Variants in GRIA2 observed in about 807,000 individuals in gnomAD.
GRIA2 encodes glutamate receptor 2.
Under a neutral mutation model 97.3 loss-of-function variants are expected in GRIA2, and 14 were observed. That is an observed-to-expected ratio of 0.14 (90% CI 0.10 to 0.23). GRIA2 has a LOEUF of 0.23. GRIA2 is among the 10% of genes least tolerant of loss of function. GRIA2 has a pLI of 1.00. For synonymous variants in GRIA2, 412 were observed against 387.8 expected (o/e 1.06, Z -0.73); for missense variants, 558 against 1,069.8 (o/e 0.52, Z 6.67).
intron 4 of GRIA2, among the ~76,000 whole-genome samples, chr4:157,313,284 A>G (rs1295168148): frequency 6.6e-6 from 1 of 152,134 alleles, no homozygotes; most frequent in Non-Finnish European, 1.5e-5. Context: ...TTGGAGTTAC[A>G]TAGACCATCT....
chr4:157,329,807 A>G (rs898755205), intron 6 of GRIA2, among the ~76,000 whole-genome samples: 1 of 151,912 alleles, frequency 6.6e-6, no homozygotes, highest in African/African-American at 2.4e-5. Flanking sequence ...TAACCATCCC[A>G]GTGTACCTGG....
intron 2 of GRIA2, among the ~76,000 whole-genome samples, chr4:157,243,941 G>GA (rs908332489): frequency 3.3e-5 from 5 of 150,736 alleles, no homozygotes; most frequent in South Asian, 4.2e-4. Context: ...AAAAAAAGCA[G>GA]AAAAAAAAAG....
intron 4 of GRIA2, among the ~76,000 whole-genome samples, chr4:157,314,715 T>A (rs961488238): frequency 6.6e-6 from 1 of 152,168 alleles, no homozygotes; most frequent in Non-Finnish European, 1.5e-5. Flanking sequence ...GGGAATATAT[T>A]GTAAGTGATG....
At chr4:157,305,069 C>A (rs532948268) in intron 3 of GRIA2, among the ~76,000 whole-genome samples, 1 of 152,254 alleles carries the variant, frequency 6.6e-6, no homozygotes, top group Admixed American at 6.5e-5. Flanking sequence ...ACAGTAAATA[C>A]AGATTTCAAT....
At chr4:157,321,105 C>T (rs955585440) in intron 5 of GRIA2, among the ~76,000 whole-genome samples, 6 of 152,052 alleles carry the variant, frequency 3.9e-5, no homozygotes, top group Non-Finnish European at 5.9e-5. Context: ...GGTGGTTCTC[C>T]GCTGTAGACC....
chr4:157,333,047 C>A (rs773563113), intron 7 of GRIA2, 61 bp downstream of exon 7: 6 of 1,295,260 alleles, frequency 4.6e-6, no homozygotes, highest in Non-Finnish European at 6.4e-6. Context: ...TTTCTTCCTG[C>A]TAAATTAGTC....
At chr4:157,303,823 G>T (rs1226572758) in intron 3 of GRIA2, 32 bp downstream of exon 3, 1 of 1,606,430 alleles carries the variant, frequency 6.2e-7, no homozygotes, top group Admixed American at 1.7e-5. Flanking sequence ...CTTTGTAATG[G>T]GGCGAATTCA....
intron 2 of GRIA2, among the ~76,000 whole-genome samples, chr4:157,269,080 A>C (rs1731900025): frequency 6.6e-6 from 1 of 152,134 alleles, no homozygotes; most frequent in East Asian, 1.9e-4. Flanking sequence ...AGCTTAGTGC[A>C]GATAGTGGTA....
chr4:157,262,266 G>C (rs773760617), intron 2 of GRIA2, among the ~76,000 whole-genome samples: 1 of 151,984 alleles, frequency 6.6e-6, no homozygotes, highest in Non-Finnish European at 1.5e-5. Context: ...TCATATGGAA[G>C]TTTGGTGAAC....
chr4:157,235,167 C>T (rs1260020623), intron 2 of GRIA2, among the ~76,000 whole-genome samples: 2 of 152,084 alleles, frequency 1.3e-5, no homozygotes, highest in Non-Finnish European at 2.9e-5. Context: ...TGGATAAAAG[C>T]TATATACTTA....
At chr4:157,314,010 A>T (rs948808486) in intron 4 of GRIA2, among the ~76,000 whole-genome samples, 1 of 152,152 alleles carries the variant, frequency 6.6e-6, no homozygotes, top group Admixed American at 6.6e-5. Context: ...AAAAGCCTTC[A>T]TCATCATCAT....
At chr4:157,352,732 A>AAAAC (rs1204047021) in intron 12 of GRIA2, among the ~76,000 whole-genome samples, 2 of 150,386 alleles carry the variant, frequency 1.3e-5, no homozygotes, top group African/African-American at 4.9e-5. Context: ...AAAAAAAAAA[A>AAAAC]AAAAAACACA....
At position 157,363,763 on chromosome 4, in the gene GRIA2, A is replaced by T. The variant is rs1042946699; in HGVS notation, c.*332A>T. 1.3e-5 allele frequency: 5 copies of T among 394,734 alleles called. No homozygotes were observed. The highest frequency in any genetic ancestry group is 2.2e-5 in the Non-Finnish European group (5 of 225,028). 24.5% of individuals were successfully genotyped at this position (394,734 alleles called of 1,614,324 possible). A position where few individuals can be genotyped will look rare whatever the true frequency, so the allele number is the denominator to read the frequency against. ...AAGGAATGATTAATTAAAACACAAC[A>T]TCTTTTTCTACTCGAGTTACAGACA... On this transcript the variant is annotated 3_prime_UTR_variant, in exon 16 of 16. Coordinates refer to ENST00000264426, the MANE Select transcript of GRIA2 (RefSeq NM_001083619.3).
At chr4:157,299,494 A>T (rs1733517266) in intron 2 of GRIA2, among the ~76,000 whole-genome samples, 1 of 152,188 alleles carries the variant, frequency 6.6e-6, no homozygotes, top group Admixed American at 6.5e-5. Flanking sequence ...AACAAAAAAA[A>T]CATACTCAGT....
At chr4:157,301,936 A>G (rs1298021353) in intron 2 of GRIA2, among the ~76,000 whole-genome samples, 2 of 151,990 alleles carry the variant, frequency 1.3e-5, no homozygotes. Flanking sequence ...GCACTTTGGG[A>G]GGCCGAGGCT....
chr4:157,259,729 T>A (rs6843538), intron 2 of GRIA2, among the ~76,000 whole-genome samples: 54,019 of 151,970 alleles, frequency 0.36, 10,101 homozygotes, highest in African/African-American at 0.47. Context: ...GAATATAGAT[T>A]ACAAACTCTA....
intron 2 of GRIA2, among the ~76,000 whole-genome samples, chr4:157,296,790 TA>T (rs1198279572): frequency 6.6e-6 from 1 of 152,142 alleles, no homozygotes; most frequent in Admixed American, 6.6e-5. Context: ...AATTGGTAGT[TA>T]TTAAATGACA....
intron 2 of GRIA2, among the ~76,000 whole-genome samples, chr4:157,296,772 C>T (rs62331543): frequency 0.073 from 11,148 of 152,138 alleles, 528 homozygotes; most frequent in Non-Finnish European, 0.1. Flanking sequence ...AGGAACCCTT[C>T]CTGGAAGAAT....
At chr4:157,256,589 T>G (rs1731285810) in intron 2 of GRIA2, among the ~76,000 whole-genome samples, 1 of 151,830 alleles carries the variant, frequency 6.6e-6, no homozygotes, top group Admixed American at 6.6e-5. Flanking sequence ...CCATTTGTGT[T>G]CTAGGGAGCA....
Sources: allele counts gnomAD v4.1 joint callset (sites outside exome capture counted in the v4.1 genomes callset), GRCh38; gene constraint gnomAD v4.1.1; transcripts MANE v1.5; gene names NCBI Gene and HGNC (gene_info 2026-07-23, HGNC 2026-07-21).